The following CADM2 variants were observed in gnomAD, a reference collection of about 807,000 sequenced individuals.
CADM2 encodes the protein cell adhesion molecule 2.
A neutral mutation model predicts 49.8 loss-of-function variants in CADM2; 12 were observed. That is an observed-to-expected ratio of 0.24 (90% CI 0.15 to 0.39). The LOEUF is 0.39. Ranked by LOEUF, CADM2 falls within the 10% of genes least tolerant of loss-of-function variation. CADM2 has a pLI of 1.00. For missense variants in CADM2, 378 were observed against 492.3 expected, an observed-to-expected ratio of 0.77 and a Z score of 2.20; for synonymous variants, 214 against 175.4, an observed-to-expected ratio of 1.22 and a Z score of -1.74.
chr3:85,925,919 T>G (rs1282808018), intron 6 of CADM2, among the ~76,000 whole-genome samples: 1 of 151,868 alleles, frequency 6.6e-6, no homozygotes, highest in African/African-American at 2.4e-5. Context: ...GGGCAGATCA[T>G]GAGGTCAGGA....
chr3:85,360,786 GTT>G, intron 1 of CADM2, among the ~76,000 whole-genome samples: 1 of 152,198 alleles, frequency 6.6e-6, no homozygotes, highest in South Asian at 2.1e-4. Flanking sequence ...CAAGAGTGTT[GTT>G]ACAAACTGGT....
chr3:85,138,937 A>G (rs542293868), intron 1 of CADM2, among the ~76,000 whole-genome samples: 2 of 152,318 alleles, frequency 1.3e-5, no homozygotes, highest in East Asian at 3.9e-4. Flanking sequence ...GCATTTAGGA[A>G]GATAAAGGGG....
At chr3:85,620,459 A>G (rs963875419) in intron 1 of CADM2, among the ~76,000 whole-genome samples, 1 of 152,068 alleles carries the variant, frequency 6.6e-6, no homozygotes, top group Non-Finnish European at 1.5e-5. Flanking sequence ...CTTAAAATTT[A>G]TGAAAAATTT....
intron 8 of CADM2, chr3:86,012,694 TA>T: frequency 8.4e-7 from 1 of 1,193,672 alleles, no homozygotes; most frequent in East Asian, 2.4e-5. Flanking sequence ...ACTTAGAAGA[TA>T]AAACACCTGA....
At chr3:86,023,636 G>A (rs943179130) in intron 8 of CADM2, among the ~76,000 whole-genome samples, 1 of 152,138 alleles carries the variant, frequency 6.6e-6, no homozygotes, top group African/African-American at 2.4e-5. Flanking sequence ...GGGATTACAG[G>A]TGTGAGCCGC....
At chr3:85,822,520 G>C (rs186381821) in intron 3 of CADM2, among the ~76,000 whole-genome samples, 1 of 151,978 alleles carries the variant, frequency 6.6e-6, no homozygotes, top group Non-Finnish European at 1.5e-5. Context: ...GGGGGCGAAG[G>C]TTGCAATGAT....
intron 3 of CADM2, among the ~76,000 whole-genome samples, chr3:85,870,521 T>A (rs1221522429): frequency 6.6e-6 from 1 of 152,146 alleles, no homozygotes; most frequent in Non-Finnish European, 1.5e-5. Context: ...TTCTGTCCTG[T>A]ACTAGTTTGC....
chr3:85,610,807 A>C (rs2063662461), intron 1 of CADM2, among the ~76,000 whole-genome samples: 1 of 151,988 alleles, frequency 6.6e-6, no homozygotes, highest in African/African-American at 2.4e-5. Context: ...TTAATGTATT[A>C]ACTTTGAAAA....
intron 1 of CADM2, among the ~76,000 whole-genome samples, chr3:85,340,434 GTCT>G (rs538645969): frequency 1.5e-4 from 23 of 151,458 alleles, no homozygotes; most frequent in African/African-American, 5.1e-4. Context: ...CAATAAAACT[GTCT>G]TCATTTGTGT....
chr3:85,704,760 T>G (rs1162195832), intron 1 of CADM2, among the ~76,000 whole-genome samples: 2 of 152,016 alleles, frequency 1.3e-5, no homozygotes, highest in Non-Finnish European at 2.9e-5. Context: ...TTCAGATACA[T>G]ATGCATAATT....
chr3:85,370,991 G>T (rs2033185299), intron 1 of CADM2, among the ~76,000 whole-genome samples: 3 of 139,148 alleles, frequency 2.2e-5, no homozygotes. Context: ...TACAGAATAA[G>T]AATTTTTTTA....
chr3:85,707,229 G>A (rs182632890), intron 1 of CADM2, among the ~76,000 whole-genome samples: 2 of 151,836 alleles, frequency 1.3e-5, no homozygotes, highest in African/African-American at 4.8e-5. Context: ...TCAAATAATA[G>A]AATTTTTTAT....
At chr3:85,832,771 A>G (rs2074239166) in intron 3 of CADM2, among the ~76,000 whole-genome samples, 1 of 151,690 alleles carries the variant, frequency 6.6e-6, no homozygotes, top group South Asian at 2.1e-4. Context: ...TTGACTTCTT[A>G]TTTTTCTATT....
At chr3:84,966,251 T>C (rs761239876) in intron 1 of CADM2, among the ~76,000 whole-genome samples, 29 of 152,122 alleles carry the variant, frequency 1.9e-4, no homozygotes, top group Admixed American at 8.5e-4. Flanking sequence ...GAGATGTAAT[T>C]ATTGAGTATG....
intron 1 of CADM2, among the ~76,000 whole-genome samples, chr3:85,598,753 A>T (rs1331780245): frequency 6.6e-6 from 1 of 151,970 alleles, no homozygotes; most frequent in African/African-American, 2.4e-5. Flanking sequence ...GTGAATTTAC[A>T]TTCTAGTAAT....
intron 1 of CADM2, among the ~76,000 whole-genome samples, chr3:85,692,378 T>C (rs914551373): frequency 1.1e-4 from 17 of 152,244 alleles, no homozygotes; most frequent in Middle Eastern, 3.4e-3. Context: ...TAAGAATATT[T>C]GCGTCGCAAG....
At chr3:85,991,904 C>T (rs775185494) in intron 8 of CADM2, among the ~76,000 whole-genome samples, 6 of 151,960 alleles carry the variant, frequency 3.9e-5, no homozygotes, top group Non-Finnish European at 7.4e-5. Context: ...GCTTATTTGA[C>T]TTAAAACAAT....
At chr3:85,472,227 G>A (rs1039746985) in intron 1 of CADM2, among the ~76,000 whole-genome samples, 1 of 151,642 alleles carries the variant, frequency 6.6e-6, no homozygotes, top group Non-Finnish European at 1.5e-5. Flanking sequence ...TAAATTATTT[G>A]TTGATCTAGG....
At chr3:85,591,627 C>T (rs1046467930) in intron 1 of CADM2, among the ~76,000 whole-genome samples, 2 of 151,932 alleles carry the variant, frequency 1.3e-5, no homozygotes, top group Non-Finnish European at 2.9e-5. Context: ...AAGGGAATCA[C>T]TCCTTCGTGT....
Sources: gnomAD v4.1 joint callset for allele counts (sites outside exome capture counted in the v4.1 genomes callset) on GRCh38, gnomAD v4.1.1 for gene constraint, MANE v1.5 for transcripts, NCBI Gene and HGNC (gene_info 2026-07-23, HGNC 2026-07-21) for gene names.